Variants in SLFN14 observed in about 807,000 individuals in gnomAD.
SLFN14 encodes the protein protein SLFN14.
In SLFN14, 47 loss-of-function variants were observed where a neutral mutation model predicts 58.6. The observed-to-expected ratio is 0.80, with a 90% confidence interval of 0.64 to 1.02. SLFN14 has a LOEUF of 1.02. SLFN14 is among the 50% of genes least tolerant of loss of function. The pLI is 0.00. For synonymous variants in SLFN14, 390 were observed against 387.3 expected, an observed-to-expected ratio of 1.01 and a Z score of -0.08; for missense variants, 967 against 1,078.4, an observed-to-expected ratio of 0.90 and a Z score of 1.45.
chr17:35,554,422 T>C (rs1343816377), intron 4 of SLFN14, among the ~76,000 whole-genome samples, 154 bp downstream of exon 4: 1 of 147,084 alleles, frequency 6.8e-6, no homozygotes, highest in Non-Finnish European at 1.5e-5. Flanking sequence ...ATTATATATA[T>C]AATATATATA....
chr17:35,550,500 C>G (rs2072575751), intron 5 of SLFN14, among the ~76,000 whole-genome samples: 5 of 152,146 alleles, frequency 3.3e-5, no homozygotes, highest in South Asian at 2.1e-4. Flanking sequence ...GAGCTGAGAT[C>G]GTGCCACTGC....
chr17:35,551,999 T>C (rs1382545808), intron 5 of SLFN14, among the ~76,000 whole-genome samples: 1 of 152,234 alleles, frequency 6.6e-6, no homozygotes, highest in Non-Finnish European at 1.5e-5. Flanking sequence ...AACCTCCTTG[T>C]TAAGTTTGTC....
intron 5 of SLFN14, among the ~76,000 whole-genome samples, chr17:35,551,438 CT>C (rs1169330417): frequency 2.0e-5 from 3 of 152,162 alleles, no homozygotes; most frequent in Admixed American, 1.3e-4. Context: ...TTAGCGCCCC[CT>C]ATGACCATCT....
chr17:35,551,921 T>C (rs2072592406), intron 5 of SLFN14, among the ~76,000 whole-genome samples: 1 of 152,168 alleles, frequency 6.6e-6, no homozygotes, highest in Non-Finnish European at 1.5e-5. Flanking sequence ...CTCTAGCAGC[T>C]ATAATATTGT....
At position 35,548,304 on chromosome 17, in the gene SLFN14, G is replaced by C; in HGVS notation, c.2674C>G (p.Leu892Val). The C allele has an allele frequency of 6.4e-7, 1 of 1,551,700 alleles. No homozygotes were observed. ...TTAATGGCTCTTGAAGCAAAGCAGA[G>C]CTTATGAAATTCCTCTGACTGGTCA... ...ECDQSEEFHKLCFASRAIKHL... is the reference protein window; with the variant it reads ...ECDQSEEFHKVCFASRAIKHL... The change falls in exon 6 of 6, where the codon CTC becomes GTC. Residue 892 changes from leucine to valine, a missense_variant. By Grantham distance (32) the Leu-to-Val change is conservative. Coordinates refer to ENST00000674182, the MANE Select transcript of SLFN14 (RefSeq NM_001129820.2).
At chr17:35,558,890 A>G (rs986704495) in intron 2 of SLFN14, among the ~76,000 whole-genome samples, 2 of 152,078 alleles carry the variant, frequency 1.3e-5, no homozygotes, top group Non-Finnish European at 2.9e-5. Context: ...ATTTTACAGT[A>G]TATGTACTGT....
chr17:35,555,456 G>A (rs944629886), intron 3 of SLFN14, among the ~76,000 whole-genome samples: 1 of 152,038 alleles, frequency 6.6e-6, no homozygotes, highest in Non-Finnish European at 1.5e-5. Context: ...GGAGGCTGAG[G>A]TGGGAGAATT....
In SLFN14 at chr17:35,548,941, C is replaced by G; in HGVS notation, c.2037G>C (p.Lys679Asn). The change falls in exon 6 of 6, where the codon AAG becomes AAC. Residue 679 changes from lysine to asparagine, a missense_variant. Lys to Asn is a moderately conservative substitution (Grantham distance 94). Coordinates refer to ENST00000674182, the MANE Select transcript of SLFN14 (RefSeq NM_001129820.2). ...SKYGNWYMKA[K>N]NITHPKAKGT... ...CCTTCGCCTTTGGATGGGTGATGTT[C>G]TTAGCCTTCATGTACCAATTGCCAT... is the stretch of plus-strand genomic sequence containing the variant. 1 of 1,551,724 alleles carries G rather than the reference C, an allele frequency of 6.4e-7. No individual in the cohort carries two copies. The highest frequency in any genetic ancestry group is 8.7e-7 in the Non-Finnish European group (1 of 1,146,996).
chr17:35,555,415 G>A (rs2072642740), intron 3 of SLFN14, among the ~76,000 whole-genome samples: 1 of 151,650 alleles, frequency 6.6e-6, no homozygotes, highest in African/African-American at 2.4e-5. Flanking sequence ...TTAGCTGGGC[G>A]TGGTGGTGTG....
chr17:35,558,040 G>T lies in SLFN14; in HGVS notation c.23C>A (p.Thr8Asn). 6.4e-7 allele frequency: 1 copy of T among 1,551,218 alleles called. No homozygotes were observed. The highest frequency in any genetic ancestry group is 8.7e-7 in the Non-Finnish European group (1 of 1,146,984). ...TATTACCTCAGGATACGGCATTTCA[G>T]TATCAGTCTTGAGACTCTCCATTTC... MESLKTD[T>N]EMPYPEVIVD... is the part of the protein sequence containing the mutation. Residue 8 changes from threonine to asparagine, a missense_variant, in exon 3 of 6, where the codon ACT becomes AAT. By Grantham distance (65) the Thr-to-Asn change is moderately conservative. Transcript: ENST00000674182.
In SLFN14 at chr17:35,558,015, T is replaced by C. The variant is rs1457181260; in HGVS notation, c.48A>G (p.Ile16Met). The C allele has an allele frequency of 1.3e-6, 2 of 1,551,582 alleles. No homozygotes were observed. Among genetic ancestry groups the C allele is most frequent in the Non-Finnish European group, 1.7e-6 (2 of 1,146,998 alleles). Residue 16 changes from isoleucine to methionine, a missense_variant, in exon 3 of 6, where the codon ATA (isoleucine) becomes ATG (methionine). Ile to Met is a conservative substitution (Grantham distance 10, BLOSUM62 1). Transcript: ENST00000674182. ...CAAAAATCACTCTGCCCACATCTAC[T>C]ATTACCTCAGGATACGGCATTTCAG... ...TDTEMPYPEV[I>M]VDVGRVIFGE...
At chr17:35,560,731 T>G (rs565319106) in intron 1 of SLFN14, among the ~76,000 whole-genome samples, 36 bp downstream of exon 1, 1 of 149,704 alleles carries the variant, frequency 6.7e-6, no homozygotes, top group African/African-American at 2.5e-5. Flanking sequence ...ATTAGATAAA[T>G]GAGATATTTT....
Position 35,557,399 on chromosome 17 carries a change from G to A in SLFN14, c.664C>T (p.Pro222Ser), listed in dbSNP as rs781072040. The A allele has an allele frequency of 3.9e-6, 6 of 1,551,540 alleles. No homozygotes were observed. The highest frequency in any genetic ancestry group is 3.6e-5 in the South Asian group (3 of 84,058). The change falls in exon 3 of 6, where the codon CCT (proline) becomes TCT (serine). Residue 222 changes from proline to serine, a missense_variant. By Grantham distance (74) the Pro-to-Ser change is moderately conservative. Transcript: ENST00000674182. ...FKRFTTKKVIPRIKEMLPHYV... is the reference protein window; with the variant it reads ...FKRFTTKKVISRIKEMLPHYV... Reference sequence around the variant, plus strand: ...TGAGGCAGCATTTCCTTAATCCGAGGTATGACTTTTTTGGTGGTGAACCTT... The same window carrying A: ...TGAGGCAGCATTTCCTTAATCCGAGATATGACTTTTTTGGTGGTGAACCTT...
In SLFN14 at chr17:35,560,775, C is replaced by CTTTTTTTTT. The variant is rs2072691694; in HGVS notation, c.-133_-132insAAAAAAAAA. Among the ~76,000 whole-genome samples the CTTTTTTTTT allele has an allele frequency of 6.7e-6, 1 of 149,774 alleles. No homozygotes were observed. The highest frequency in any genetic ancestry group is 2.5e-5 in the African/African-American group (1 of 40,568). On this transcript the variant is annotated 5_prime_UTR_variant, in exon 1 of 6. Transcript: ENST00000674182. ...TTTTTTTTTTTTTTTACCTATGCTC[C>CTTTTTTTTT]TGTGTTTCCTCTTGCTGCTTCAGTT...
rs2072547223 is a variant in SLFN14 at position 35,547,968 on chromosome 17, T to C, written c.*271A>G. 6.6e-6 allele frequency among the ~76,000 whole-genome samples: 1 copy of C among 152,216 alleles called. No homozygotes were observed. Among genetic ancestry groups the C allele is most frequent in the Non-Finnish European group, 1.5e-5 (1 of 68,038 alleles). Reference sequence around the variant, plus strand: ...CTCTATTTGAGGAAAAATTCTCTGATGGATGACAGCTGGATTGAGTGGGAA... The same window carrying C: ...CTCTATTTGAGGAAAAATTCTCTGACGGATGACAGCTGGATTGAGTGGGAA... On this transcript the variant is annotated 3_prime_UTR_variant, in exon 6 of 6. Coordinates refer to ENST00000674182, the MANE Select transcript of SLFN14 (RefSeq NM_001129820.2).
intron 4 of SLFN14, 52 bp downstream of exon 4, chr17:35,554,524 A>G (rs2072630383): frequency 6.8e-7 from 1 of 1,462,104 alleles, no homozygotes; most frequent in African/African-American, 1.5e-5. Flanking sequence ...ACACCTCCCA[A>G]CTCAATTTTA....
rs755459810 is a variant in SLFN14, at chr17:35,552,812, C to T, written c.1822G>A (p.Glu608Lys). 1.1e-5 allele frequency: 17 copies of T among 1,550,680 alleles called. No individual in the cohort carries two copies. The South Asian group carries it at 1.7e-4, about 15-fold the overall frequency. Residue 608 changes from glutamate (E) to lysine (K), a missense_variant, in exon 5 of 6, where the codon GAG becomes AAG. By Grantham distance (56) the Glu-to-Lys change is moderately conservative (BLOSUM62 1). Transcript: ENST00000674182. ...CAGTGAAACAAGTCCTTAATTTTCT[C>T]CATGATCTTTATGGCTAGGGCTGTC... ...RKTALAIKIM[E>K]KIKDLFHCKP...
intron 5 of SLFN14, among the ~76,000 whole-genome samples, chr17:35,550,358 CAACATGGTGA>C (rs1307206684): frequency 6.6e-6 from 1 of 152,168 alleles, no homozygotes; most frequent in East Asian, 1.9e-4. Flanking sequence ...CCAGCCTGGC[CAACATGGTGA>C]AACCCCGTCT....
At chr17:35,554,750 TA>T (rs10578465) in intron 3 of SLFN14, 46 bp from the exon 4 acceptor site, 61,229 of 1,036,336 alleles carry the variant, frequency 0.059, 33 homozygotes, top group South Asian at 0.084. Context: ...AATAAAAAGT[TA>T]AAAAAAAAAA....
Sources: gnomAD v4.1 joint callset for allele counts (sites outside exome capture counted in the v4.1 genomes callset) on GRCh38, gnomAD v4.1.1 for gene constraint, MANE v1.5 for transcripts, NCBI Gene and HGNC (gene_info 2026-07-23, HGNC 2026-07-21) for gene names.